The following FGF10 variants were observed in gnomAD, a reference collection of about 807,000 sequenced individuals.
FGF10 encodes FGF-10.
Under a neutral mutation model 19.8 loss-of-function variants are expected in FGF10, and 2 were observed. That is an observed-to-expected ratio of 0.10 (90% CI 0.04 to 0.32). The LOEUF (loss-of-function observed/expected upper bound fraction) is 0.32, where lower values mean the gene tolerates loss of function less well. Ranked by LOEUF, FGF10 falls within the 10% of genes least tolerant of loss-of-function variation. The probability of loss-of-function intolerance (pLI) is 1.00; values close to 1 mark genes in which losing one functional copy is unlikely to be tolerated. For missense variants in FGF10, 191 were observed against 246.3 expected, an observed-to-expected ratio of 0.78 and a Z score of 1.50; for synonymous variants, 112 against 94.0, an observed-to-expected ratio of 1.19 and a Z score of -1.10.
intron 1 of FGF10, among the ~76,000 whole-genome samples, chr5:44,357,602 C>T (rs549583165): frequency 5.9e-5 from 9 of 151,358 alleles, no homozygotes; most frequent in Admixed American, 1.3e-4. Context: ...AACTTGTCTA[C>T]GGTCACATAC....
At chr5:44,339,977 A>G (rs570683712) in intron 1 of FGF10, among the ~76,000 whole-genome samples, 103 of 152,260 alleles carry the variant, frequency 6.8e-4, no homozygotes, top group African/African-American at 2.4e-3. Context: ...ACGGTAAGAA[A>G]TCAAGATAAT....
intron 1 of FGF10, among the ~76,000 whole-genome samples, chr5:44,382,480 T>C (rs1742006587): frequency 6.6e-6 from 1 of 152,202 alleles, no homozygotes; most frequent in African/African-American, 2.4e-5. Flanking sequence ...AAGATGCAGG[T>C]ATATTTCCTT....
chr5:44,340,485 T>C (rs966567524), intron 1 of FGF10, among the ~76,000 whole-genome samples: 1 of 152,136 alleles, frequency 6.6e-6, no homozygotes, highest in East Asian at 1.9e-4. Flanking sequence ...TGACATTATA[T>C]GCAGCATGAA....
intron 1 of FGF10, among the ~76,000 whole-genome samples, chr5:44,344,673 G>C (rs1341532415): frequency 6.7e-6 from 1 of 150,014 alleles, no homozygotes. Context: ...TCAGGATTGA[G>C]AGAGTACAAG....
rs1369463341 is a variant in FGF10, at chr5:44,301,174, A to T, written c.*3821T>A. Reference sequence around the variant, plus strand: ...AAAGTCCTGCTTCATGAAATAAACAAGAACTCTTAATCAATATGGTATCTG... The same window carrying T: ...AAAGTCCTGCTTCATGAAATAAACATGAACTCTTAATCAATATGGTATCTG... On this transcript the variant is annotated 3_prime_UTR_variant, in exon 3 of 3. Coordinates refer to ENST00000264664, the MANE Select transcript of FGF10 (RefSeq NM_004465.2). Among the ~76,000 whole-genome samples, 1 of 152,084 alleles carries T rather than the reference A, an allele frequency of 6.6e-6. No homozygotes were observed.
intron 1 of FGF10, among the ~76,000 whole-genome samples, chr5:44,324,912 T>C (rs1352595163): frequency 6.6e-6 from 1 of 152,200 alleles, no homozygotes; most frequent in African/African-American, 2.4e-5. Context: ...TTCCTCTTTT[T>C]TTGCTAATTC....
At chr5:44,317,723 CT>C (rs959104569) in intron 1 of FGF10, among the ~76,000 whole-genome samples, 15 of 151,408 alleles carry the variant, frequency 9.9e-5, no homozygotes, top group Non-Finnish European at 1.5e-4. Context: ...GTAAACTTGA[CT>C]TTTTTTTTCT....
chr5:44,344,603 T>TGTGTGTGTGTG (rs58735673), intron 1 of FGF10, among the ~76,000 whole-genome samples: 22 of 149,332 alleles, frequency 1.5e-4, no homozygotes, highest in Non-Finnish European at 1.9e-4. Context: ...TGTGTGTGTG[T>TGTGTGTGTGTG]TAAACCAACT....
At chr5:44,306,106 G>A (rs1740070121) in intron 2 of FGF10, among the ~76,000 whole-genome samples, 1 of 152,082 alleles carries the variant, frequency 6.6e-6, no homozygotes. Context: ...CAAGACTCTG[G>A]CTTTAGAAGT....
chr5:44,360,054 C>T (rs1741439631), intron 1 of FGF10, among the ~76,000 whole-genome samples: 1 of 151,468 alleles, frequency 6.6e-6, no homozygotes, highest in African/African-American at 2.4e-5. Context: ...CCTGACAGCA[C>T]TGAAAAACAG....
chr5:44,305,309 T>TAAG lies in FGF10; in HGVS notation c.430-120_430-118dup, dbSNP rs1179074723. The TAAG allele has an allele frequency of 1.0e-5, 9 of 860,182 alleles. No individual in the cohort carries two copies. The African/African-American group carries it at 1.5e-4, about 14-fold the overall frequency. 53.3% of individuals were successfully genotyped at this position (860,182 alleles called of 1,614,324 possible). A position where few individuals can be genotyped will look rare whatever the true frequency, so the allele number is the denominator to read the frequency against. On this transcript the variant is annotated intron_variant, in intron 2 of 2. Transcript: ENST00000264664. Reference sequence around the variant, plus strand: ...TCTGTTTGTAGTTGCCATTTGTACCTAAGTTGTGCACTTAATACATAATGT... The same window carrying TAAG: ...TCTGTTTGTAGTTGCCATTTGTACCTAAGAAGTTGTGCACTTAATACATAATGT...
At chr5:44,350,066 A>C (rs778211298) in intron 1 of FGF10, among the ~76,000 whole-genome samples, 1 of 151,332 alleles carries the variant, frequency 6.6e-6, no homozygotes, top group Non-Finnish European at 1.5e-5. Flanking sequence ...GCACACACAC[A>C]TACACATCTA....
Position 44,307,939 on chromosome 5 carries a change from T to A in FGF10, c.429+2488A>T, listed in dbSNP as rs17234569. The stretch of plus-strand genomic sequence containing the variant: ...GTGGAAAGTATGTTCTGTAATTGGC[T>A]GAGCTTCTACCAGAGGTTAGGTTTA... On this transcript the variant is annotated intron_variant, in intron 2 of 2. Transcript: ENST00000264664. Among the ~76,000 whole-genome samples, 656 of 152,352 alleles carry A rather than the reference T, an allele frequency of 4.3e-3. 1 individual carries two copies. The highest frequency in any genetic ancestry group is 0.014 in the Middle Eastern group (4 of 294).
chr5:44,315,390 T>C (rs547960474), intron 1 of FGF10, among the ~76,000 whole-genome samples: 48 of 152,170 alleles, frequency 3.2e-4, no homozygotes, highest in Non-Finnish European at 6.3e-4. Context: ...AAAACAGGCT[T>C]GGAGAGAGAA....
chr5:44,349,447 T>TATATATATATATCAGA (rs1554038128), intron 1 of FGF10, among the ~76,000 whole-genome samples: 7 of 15,454 alleles, frequency 4.5e-4, no homozygotes, highest in African/African-American at 1.1e-3. Context: ...TATATATATA[T>TATATATATATATCAGA]ATATATATAT....
chr5:44,388,936 C>T lies in FGF10; in HGVS notation c.-254G>A. ...CCGGTAAATGGTGGACGTGGGTGGC[C>T]GCAGCAGCAGGAGCTGGTGGTGGCG... is the stretch of plus-strand genomic sequence containing the variant. On this transcript the variant is annotated 5_prime_UTR_variant, in exon 1 of 3. Coordinates refer to ENST00000264664, the MANE Select transcript of FGF10 (RefSeq NM_004465.2). The T allele has an allele frequency of 1.8e-6, 1 of 571,170 alleles. No homozygotes were observed. The highest frequency in any genetic ancestry group is 2.0e-5 in the South Asian group (1 of 50,152). 35.4% of individuals were successfully genotyped at this position (571,170 alleles called of 1,614,324 possible).
chr5:44,347,681 C>G (rs1002607051), intron 1 of FGF10, among the ~76,000 whole-genome samples: 2 of 151,576 alleles, frequency 1.3e-5, no homozygotes, highest in African/African-American at 4.8e-5. Context: ...ATGGACTGAC[C>G]TACTTTGCAA....
At position 44,388,556 on chromosome 5, in the gene FGF10, C is replaced by A. The variant is rs778802173; in HGVS notation, c.127G>T (p.Asp43Tyr). The change falls in exon 1 of 3, where the codon GAC becomes TAC. Residue 43 changes from aspartate to tyrosine, a missense_variant. Physicochemically the swap from Asp to Tyr is radical, Grantham distance 160. Coordinates refer to ENST00000264664, the MANE Select transcript of FGF10 (RefSeq NM_004465.2). Reference protein sequence around the residue: ...VPVTCQALGQDMVSPEATNSS... With the variant: ...VPVTCQALGQYMVSPEATNSS... ...TTGGTGGCCTCTGGTGACACCATGT[C>A]CTGACCAAGGGCTTGGCAGGTGACA... 1.9e-6 allele frequency: 3 copies of A among 1,614,002 alleles called. No homozygotes were observed. The highest frequency in any genetic ancestry group is 2.5e-6 in the Non-Finnish European group (3 of 1,180,054).
At chr5:44,387,725 A>G (rs1013565256) in intron 1 of FGF10, among the ~76,000 whole-genome samples, 1 of 152,106 alleles carries the variant, frequency 6.6e-6, no homozygotes, top group Non-Finnish European at 1.5e-5. Context: ...CAATCACTCA[A>G]ACTAACATAA....
Sources: allele counts gnomAD v4.1 joint callset (sites outside exome capture counted in the v4.1 genomes callset), GRCh38; gene constraint gnomAD v4.1.1; transcripts MANE v1.5; gene names NCBI Gene and HGNC (gene_info 2026-07-23, HGNC 2026-07-21).